The following PCDHGB1 variants were observed in gnomAD, a reference collection of about 807,000 sequenced individuals.
PCDHGB1 encodes the protein protocadherin gamma subfamily B, 1.
In PCDHGB1, 34 loss-of-function variants were observed where a neutral mutation model predicts 56.6. The ratio of observed to expected loss-of-function variants is 0.60; its 90% CI spans 0.46 to 0.80. The LOEUF (loss-of-function observed/expected upper bound fraction) is 0.80. PCDHGB1 is among the 30% of genes least tolerant of loss of function. PCDHGB1 has a pLI of 0.00. For synonymous variants in PCDHGB1, 561 were observed against 505.9 expected (o/e 1.11, Z -1.46); for missense variants, 1,278 against 1,204.6 (o/e 1.06, Z -0.90).
intron 1 of PCDHGB1, chr5:141,427,206 G>C (rs1224325038): frequency 1.1e-5 from 5 of 456,606 alleles, no homozygotes; most frequent in Admixed American, 2.3e-5. Context: ...AATAGACTTC[G>C]AATTTCGTAG....
At chr5:141,403,172 C>T in intron 1 of PCDHGB1, 1 of 1,614,018 alleles carries the variant, frequency 6.2e-7, no homozygotes, top group Non-Finnish European at 8.5e-7. Context: ...TAGGACGCAG[C>T]TTTTCTCTCT....
intron 1 of PCDHGB1, chr5:141,365,766 C>T (rs6882138): frequency 0.023 from 36,892 of 1,613,774 alleles, 970 homozygotes; most frequent in African/African-American, 0.14. Context: ...GCCCATGACC[C>T]CGACAGCGGC....
chr5:141,478,199 C>G, intron 1 of PCDHGB1: 1 of 1,614,056 alleles, frequency 6.2e-7, no homozygotes, highest in Non-Finnish European at 8.5e-7. Flanking sequence ...CTTTTATCTA[C>G]TTCTTTCTCT....
chr5:141,430,578 C>A (rs1561846151), intron 1 of PCDHGB1: 8 of 470,816 alleles, frequency 1.7e-5, no homozygotes, highest in East Asian at 1.0e-4. Flanking sequence ...AGCGGAGATC[C>A]TGCTCGCCTT....
intron 1 of PCDHGB1, chr5:141,364,922 C>G: frequency 1.2e-6 from 2 of 1,613,948 alleles, no homozygotes; most frequent in Non-Finnish European, 8.5e-7. Context: ...GGTGTTGGAA[C>G]AGCCCCTAGA....
chr5:141,401,537 A>G (rs188857820), intron 1 of PCDHGB1, among the ~76,000 whole-genome samples: 56 of 152,362 alleles, frequency 3.7e-4, no homozygotes, highest in Non-Finnish European at 7.5e-4. Context: ...AACTTACAAA[A>G]AAAAGGAAAT....
chr5:141,361,532 C>T, intron 1 of PCDHGB1: 1 of 1,614,034 alleles, frequency 6.2e-7, no homozygotes, highest in East Asian at 2.2e-5. Flanking sequence ...GAGAACAATC[C>T]TCCTGGCGCC....
intron 1 of PCDHGB1, chr5:141,366,746 G>A (rs750528287): frequency 1.9e-6 from 3 of 1,609,646 alleles, no homozygotes; most frequent in Non-Finnish European, 2.5e-6. Flanking sequence ...AGAACGGCGA[G>A]TTCAGGTTAG....
In PCDHGB1 at chr5:141,486,727, T is replaced by C; in HGVS notation, c.2410-8080T>C. ...TGAACCCCCAGACAGGAGCTGTTCA[T>C]GCTACTCGATCCTTTGACTATGAGC... On this transcript the variant is annotated intron_variant, in intron 1 of 3. Transcript: ENST00000523390. The surrounding 1 kb of genome is among the most constrained non-coding windows in gnomAD (Gnocchi z 5.0). 6.2e-7 allele frequency: 1 copy of C among 1,614,232 alleles called. No homozygotes were observed. Among genetic ancestry groups the C allele is most frequent in the Non-Finnish European group, 8.5e-7 (1 of 1,180,044 alleles).
In PCDHGB1 at chr5:141,431,841, C is replaced by T; in HGVS notation, c.2410-62966C>T. The T allele has an allele frequency of 6.2e-7, 1 of 1,614,246 alleles. No homozygotes were observed. Among genetic ancestry groups the T allele is most frequent in the Non-Finnish European group, 8.5e-7 (1 of 1,180,044 alleles). ...GCCAGCTCGGTTCCCGAAAACTCTC[C>T]CAGAGGGACATTAATTGCCCTTTTA... On this transcript the variant is annotated intron_variant, in intron 1 of 3. Coordinates refer to ENST00000523390, the MANE Select transcript of PCDHGB1 (RefSeq NM_018922.3). The surrounding 1 kb of genome is among the most constrained non-coding windows in gnomAD (Gnocchi z 4.8).
chr5:141,368,992 C>T (rs1228600699), intron 1 of PCDHGB1, among the ~76,000 whole-genome samples: 4 of 152,202 alleles, frequency 2.6e-5, no homozygotes, highest in South Asian at 2.1e-4. Context: ...AAGGTGAATT[C>T]GGTGTGGAAC....
chr5:141,357,525 T>A (rs1015704388), intron 1 of PCDHGB1: 2 of 1,614,206 alleles, frequency 1.2e-6, no homozygotes, highest in Non-Finnish European at 1.7e-6. Flanking sequence ...AACCCAGCTA[T>A]GCAGACACGC....
At position 141,365,998 on chromosome 5, in the gene PCDHGB1, C is replaced by A. The variant is rs374639173; in HGVS notation, c.2409+13329C>A. 3.1e-6 allele frequency: 5 copies of A among 1,614,116 alleles called. No homozygotes were observed. Among genetic ancestry groups the A allele is most frequent in the Admixed American group, 3.3e-5 (2 of 60,012 alleles). On this transcript the variant is annotated intron_variant, in intron 1 of 3. Transcript: ENST00000523390. ...TGAGCCTGTTTGTGCTGGACCAGAA[C>A]GACAATACGCCTGAGATCCTGTACC...
intron 3 of PCDHGB1, among the ~76,000 whole-genome samples, chr5:141,510,378 C>A (rs919650449): frequency 6.6e-6 from 1 of 151,786 alleles, no homozygotes; most frequent in East Asian, 2.0e-4. Flanking sequence ...TCTACTCGTG[C>A]CAGGCCTTGC....
At chr5:141,421,449 G>A (rs2096574013) in intron 1 of PCDHGB1, 2 of 1,614,010 alleles carry the variant, frequency 1.2e-6, no homozygotes, top group African/African-American at 1.3e-5. Flanking sequence ...GGAAGACACA[G>A]CTTTTCGCTG....
At chr5:141,434,561 G>A (rs2097702856) in intron 1 of PCDHGB1, among the ~76,000 whole-genome samples, 1 of 152,188 alleles carries the variant, frequency 6.6e-6, no homozygotes, top group Non-Finnish European at 1.5e-5. Flanking sequence ...GTGCCTTAAG[G>A]ACATGCCCCT....
At chr5:141,369,372 TA>T (rs1766193599) in intron 1 of PCDHGB1, among the ~76,000 whole-genome samples, 1 of 152,142 alleles carries the variant, frequency 6.6e-6, no homozygotes, top group Non-Finnish European at 1.5e-5. Flanking sequence ...ACATCCTTTG[TA>T]AAAGTTTTTC....
rs533568792 is a variant in PCDHGB1 at position 141,393,506 on chromosome 5, A to G, written c.2409+40837A>G. The G allele has an allele frequency of 7.4e-6, 12 of 1,614,032 alleles. No individual in the cohort carries two copies. The East Asian group carries it at 2.5e-4, about 33-fold the overall frequency. ...CTAGCACAGTGCGCATCCACGTGAC[A>G]GTGTTGGATACAAATGACAATGCCC... On this transcript the variant is annotated intron_variant, in intron 1 of 3. Transcript: ENST00000523390.
At chr5:141,374,580 C>T (rs745902303) in intron 1 of PCDHGB1, 1 of 1,613,706 alleles carries the variant, frequency 6.2e-7, no homozygotes, top group Non-Finnish European at 8.5e-7. Context: ...GGAATGAACT[C>T]CCTTCAGGGA....
Sources: allele counts gnomAD v4.1 joint callset (sites outside exome capture counted in the v4.1 genomes callset), GRCh38; gene constraint gnomAD v4.1.1; non-coding constraint Gnocchi (gnomAD v3.1); transcripts MANE v1.5; gene names NCBI Gene and HGNC (gene_info 2026-07-23, HGNC 2026-07-21).